Variants in HS6ST3 observed in about 807,000 individuals in gnomAD.
The protein encoded by HS6ST3 is heparan-sulfate 6-O-sulfotransferase 3.
In HS6ST3, 12 loss-of-function variants were observed where a neutral mutation model predicts 36.7. The ratio of observed to expected loss-of-function variants is 0.33; its 90% CI spans 0.21 to 0.53. The LOEUF (loss-of-function observed/expected upper bound fraction) is 0.53, where lower values mean the gene tolerates loss of function less well. HS6ST3 is among the 20% of genes least tolerant of loss of function. The pLI, the probability that HS6ST3 is intolerant of heterozygous loss-of-function variation, is 0.95. For synonymous variants in HS6ST3, 240 were observed against 257.5 expected, an observed-to-expected ratio of 0.93 and a Z score of 0.65; for missense variants, 584 against 640.9, an observed-to-expected ratio of 0.91 and a Z score of 0.96.
chr13:96,375,108 C>T (rs531150036), intron 1 of HS6ST3, among the ~76,000 whole-genome samples: 1 of 152,226 alleles, frequency 6.6e-6, no homozygotes, highest in South Asian at 2.1e-4. Context: ...CTCAGGGTCT[C>T]TGCATTTGCT....
intron 1 of HS6ST3, among the ~76,000 whole-genome samples, chr13:96,207,195 AC>A (rs1169402798): frequency 2.6e-5 from 4 of 152,194 alleles, no homozygotes; most frequent in African/African-American, 9.7e-5. Context: ...GCCAACAAAT[AC>A]GAAAAAAAGC....
Position 96,832,615 on chromosome 13 carries a change from C to G in HS6ST3, c.833C>G (p.Pro278Arg). ...ATGTGTGATGGAAGAAGCCCCACCCCAGATGAGCTGCCTACCTGCTACCCT... is the reference window on the plus strand; with the variant it reads ...ATGTGTGATGGAAGAAGCCCCACCCGAGATGAGCTGCCTACCTGCTACCCT... ...LHMCDGRSPT[P>R]DELPTCYPGD... The change falls in exon 2 of 2, where the codon CCA (proline) becomes CGA (arginine). Residue 278 changes from proline to arginine, a missense_variant. This residue lies in a region of HS6ST3 where 360 missense variants were observed against 411.3 expected (regional missense o/e 0.88). Transcript: ENST00000376705. 2 of 1,614,158 alleles carry G rather than the reference C, an allele frequency of 1.2e-6. No individual in the cohort carries two copies. Among genetic ancestry groups the G allele is most frequent in the Middle Eastern group, 3.3e-4 (2 of 6,062 alleles).
intron 1 of HS6ST3, among the ~76,000 whole-genome samples, chr13:96,262,573 G>A (rs2054671569): frequency 6.6e-6 from 1 of 152,184 alleles, no homozygotes; most frequent in South Asian, 2.1e-4. Context: ...AAGATTATCT[G>A]TGAACAGTTT....
At chr13:96,793,576 TGCCCATGGTA>T (rs1198419326) in intron 1 of HS6ST3, among the ~76,000 whole-genome samples, 16 of 152,224 alleles carry the variant, frequency 1.1e-4, no homozygotes, top group African/African-American at 3.8e-4. Flanking sequence ...GTGGTGGGCC[TGCCCATGGTA>T]GCACGTTATT....
chr13:96,558,061 T>C (rs1161945155), intron 1 of HS6ST3, among the ~76,000 whole-genome samples: 4 of 152,172 alleles, frequency 2.6e-5, no homozygotes, highest in Non-Finnish European at 5.9e-5. Flanking sequence ...GTAATTATCG[T>C]TTTTCTTTAA....
intron 1 of HS6ST3, among the ~76,000 whole-genome samples, chr13:96,668,686 CTTTTTTTTTTTTTTTTTTTTTTTTT>C (rs146033180): frequency 6.8e-4 from 40 of 58,940 alleles, no homozygotes; most frequent in Admixed American, 1.9e-3. Flanking sequence ...TAGTGCCAAC[CTTTTTTTTTTTTTTTTTTTTTTTTT>C]TTTTTTTTTT....
intron 1 of HS6ST3, among the ~76,000 whole-genome samples, chr13:96,206,169 C>T (rs2054369346): frequency 6.6e-6 from 1 of 152,028 alleles, no homozygotes; most frequent in African/African-American, 2.4e-5. Context: ...ACACCAACAA[C>T]AGGCAAGCAG....
rs547022117 is a variant in HS6ST3 at position 96,570,766 on chromosome 13, C to T, written c.708-261724C>T. ...CAAGGAATAACACAGTGACTCTGCC[C>T]ATGAGGAATGTATAATCTAATGCGT... is the stretch of plus-strand genomic sequence containing the variant. On this transcript the variant is annotated intron_variant, in intron 1 of 1. Coordinates refer to ENST00000376705, the MANE Select transcript of HS6ST3 (RefSeq NM_153456.4). Among the ~76,000 whole-genome samples, 7 of 152,224 alleles carry T rather than the reference C, an allele frequency of 4.6e-5. No individual in the cohort carries two copies. In the South Asian group the frequency reaches 1.5e-3, roughly 32 times the overall value.
chr13:96,300,437 A>T (rs924396675), intron 1 of HS6ST3, among the ~76,000 whole-genome samples: 5 of 152,068 alleles, frequency 3.3e-5, no homozygotes, highest in African/African-American at 1.2e-4. Context: ...CATGGCTATG[A>T]TCCAGTCGCC....
At chr13:96,669,850 A>G (rs2056677266) in intron 1 of HS6ST3, among the ~76,000 whole-genome samples, 1 of 152,130 alleles carries the variant, frequency 6.6e-6, no homozygotes, top group African/African-American at 2.4e-5. Flanking sequence ...CTGTTTCTTA[A>G]GACAGAGGAG....
chr13:96,542,602 C>T (rs2056182645), intron 1 of HS6ST3, among the ~76,000 whole-genome samples: 1 of 152,102 alleles, frequency 6.6e-6, no homozygotes, highest in South Asian at 2.1e-4. Context: ...CACCTCCCAG[C>T]CACAGCCCCC....
At chr13:96,108,116 C>T (rs144776123) in intron 1 of HS6ST3, among the ~76,000 whole-genome samples, 2,508 of 152,234 alleles carry the variant, frequency 0.016, 35 homozygotes, top group Non-Finnish European at 0.027. Context: ...AGAGAAATAT[C>T]GCTGAATTAT....
intron 1 of HS6ST3, among the ~76,000 whole-genome samples, chr13:96,278,674 T>C (rs2054760231): frequency 1.3e-5 from 2 of 152,282 alleles, no homozygotes; most frequent in Middle Eastern, 3.4e-3. Flanking sequence ...TTTGATCAAG[T>C]CTTATAATTA....
In HS6ST3 at chr13:96,715,379, CT is replaced by C. The variant is rs564972353; in HGVS notation, c.708-117104del. 4.7e-3 allele frequency among the ~76,000 whole-genome samples: 717 copies of C among 151,998 alleles called. 5 individuals carry two copies. Among genetic ancestry groups the C allele is most frequent in the African/African-American group, 0.016 (682 of 41,480 alleles). ...CATTTGGTTCTTTAATTATGTTTTA[CT>C]TTTTTTAGCTTAAAAAGAGCTCTAA... is the stretch of plus-strand genomic sequence containing the variant. On this transcript the variant is annotated intron_variant, in intron 1 of 1. Coordinates refer to ENST00000376705, the MANE Select transcript of HS6ST3 (RefSeq NM_153456.4).
At chr13:96,294,222 T>C (rs2054843695) in intron 1 of HS6ST3, among the ~76,000 whole-genome samples, 1 of 152,128 alleles carries the variant, frequency 6.6e-6, no homozygotes, top group African/African-American at 2.4e-5. Context: ...AGGAAACCGA[T>C]ATTATGGTCA....
intron 1 of HS6ST3, among the ~76,000 whole-genome samples, chr13:96,799,355 T>C (rs935539020): frequency 6.6e-6 from 1 of 152,106 alleles, no homozygotes; most frequent in Non-Finnish European, 1.5e-5. Flanking sequence ...ATTTCTCTGA[T>C]GGCCAGTGAT....
At chr13:96,280,624 G>A (rs1263717257) in intron 1 of HS6ST3, among the ~76,000 whole-genome samples, 1 of 152,150 alleles carries the variant, frequency 6.6e-6, no homozygotes, top group African/African-American at 2.4e-5. Flanking sequence ...AATGAGTTAT[G>A]TTTTTGTCCC....
At chr13:96,493,469 T>C (rs1397466788) in intron 1 of HS6ST3, among the ~76,000 whole-genome samples, 1 of 152,244 alleles carries the variant, frequency 6.6e-6, no homozygotes, top group Admixed American at 6.5e-5. Flanking sequence ...CTCATTATTA[T>C]ATTCATTTTT....
intron 1 of HS6ST3, among the ~76,000 whole-genome samples, chr13:96,433,125 G>T (rs942297763): frequency 2.0e-5 from 3 of 152,102 alleles, no homozygotes; most frequent in African/African-American, 7.2e-5. Context: ...TTTTTTGTCT[G>T]AGATCTAATA....
Sources: allele counts gnomAD v4.1 joint callset (sites outside exome capture counted in the v4.1 genomes callset), GRCh38; gene constraint gnomAD v4.1.1; regional missense constraint gnomAD v4.1.1; transcripts MANE v1.5; gene names NCBI Gene and HGNC (gene_info 2026-07-23, HGNC 2026-07-21).